Variants in RAPGEF2 observed in about 807,000 individuals in gnomAD.
The protein encoded by RAPGEF2 is Rap guanine nucleotide exchange factor 2.
Under a neutral mutation model 186.7 loss-of-function variants are expected in RAPGEF2, and 54 were observed. The observed-to-expected ratio is 0.29, with a 90% CI of 0.23 to 0.36. RAPGEF2 has a LOEUF of 0.36. RAPGEF2 is among the 10% of genes least tolerant of loss of function. The pLI is 1.00. For missense variants in RAPGEF2, 1,532 were observed against 2,045.0 expected, an observed-to-expected ratio of 0.75 and a Z score of 4.84; for synonymous variants, 712 against 705.9, an observed-to-expected ratio of 1.01 and a Z score of -0.14.
chr4:159,199,147 G>A (rs1749130274), intron 3 of RAPGEF2, among the ~76,000 whole-genome samples: 1 of 150,894 alleles, frequency 6.6e-6, no homozygotes, highest in South Asian at 2.1e-4. Flanking sequence ...GCATGGAATT[G>A]TAGGACACGG....
chr4:159,167,118 A>T (rs1363583508), intron 1 of RAPGEF2, among the ~76,000 whole-genome samples: 4 of 152,138 alleles, frequency 2.6e-5, no homozygotes, highest in Non-Finnish European at 4.4e-5. Flanking sequence ...TTACAGGATT[A>T]AAAAAAACCA....
chr4:159,300,414 T>C (rs539959080), intron 7 of RAPGEF2, among the ~76,000 whole-genome samples: 259 of 151,826 alleles, frequency 1.7e-3, no homozygotes, highest in African/African-American at 5.8e-3. Context: ...GAACAAAAAA[T>C]TGAGCAGTAA....
intron 3 of RAPGEF2, among the ~76,000 whole-genome samples, chr4:159,194,382 C>G (rs1748408407): frequency 6.6e-6 from 1 of 152,064 alleles, no homozygotes; most frequent in African/African-American, 2.4e-5. Flanking sequence ...GATTTTTTTC[C>G]CTCCTAAATA....
chr4:159,297,706 T>C (rs2111007409), intron 7 of RAPGEF2, among the ~76,000 whole-genome samples: 1 of 152,332 alleles, frequency 6.6e-6, no homozygotes, highest in South Asian at 2.1e-4. Context: ...AAACAAGTTG[T>C]TTCTTTGGTT....
In RAPGEF2 at chr4:159,345,326, A is replaced by G; in HGVS notation, c.3499A>G (p.Thr1167Ala). ...LSLQCEPATN[T>A]LPKNPGDKKP... The stretch of plus-strand genomic sequence containing the variant: ...TCTGCAGTGTGAGCCAGCAACCAAC[A>G]CATGTGAGTTTTTCCTTAAAGTGGC... Residue 1167 changes from threonine to alanine, a missense_variant, in exon 24 of 30, where the codon ACA (threonine) becomes GCA (alanine). Transcript: ENST00000691494. The G allele has an allele frequency of 6.2e-7, 1 of 1,613,886 alleles. No homozygotes were observed. Among genetic ancestry groups the G allele is most frequent in the Non-Finnish European group, 8.5e-7 (1 of 1,179,906 alleles).
intron 25 of RAPGEF2, among the ~76,000 whole-genome samples, chr4:159,348,291 G>A (rs1283373039): frequency 6.6e-6 from 1 of 151,956 alleles, no homozygotes; most frequent in East Asian, 1.9e-4. Context: ...TGGATAGATA[G>A]ATAAAGATAT....
At chr4:159,180,504 G>A (rs1395854836) in intron 1 of RAPGEF2, among the ~76,000 whole-genome samples, 2 of 152,148 alleles carry the variant, frequency 1.3e-5, no homozygotes, top group Non-Finnish European at 2.9e-5. Context: ...GCAGAATAAT[G>A]TAGTCTTTTC....
intron 1 of RAPGEF2, among the ~76,000 whole-genome samples, chr4:159,131,486 T>C (rs1741066570): frequency 6.6e-6 from 1 of 151,854 alleles, no homozygotes; most frequent in African/African-American, 2.4e-5. Context: ...GACTTAAATG[T>C]ATTATCTTGA....
At chr4:159,223,422 A>G (rs1242388918) in intron 4 of RAPGEF2, among the ~76,000 whole-genome samples, 1 of 152,222 alleles carries the variant, frequency 6.6e-6, no homozygotes, top group South Asian at 2.1e-4. Context: ...ATTGCTTAGA[A>G]TGTAAGTGTA....
At chr4:159,266,676 C>G (rs114210421) in intron 7 of RAPGEF2, among the ~76,000 whole-genome samples, 1,577 of 151,924 alleles carry the variant, frequency 0.01, 15 homozygotes, top group South Asian at 0.02. Context: ...TTGTGAAAAT[C>G]ACATCATCTA....
chr4:159,152,411 G>C (rs1286608144), intron 1 of RAPGEF2, among the ~76,000 whole-genome samples: 1 of 152,170 alleles, frequency 6.6e-6, no homozygotes, highest in African/African-American at 2.4e-5. Flanking sequence ...GAGGCAGAAT[G>C]CCCATTCCTG....
intron 7 of RAPGEF2, among the ~76,000 whole-genome samples, chr4:159,247,944 T>C (rs1478970400): frequency 6.6e-6 from 1 of 151,854 alleles, no homozygotes; most frequent in Non-Finnish European, 1.5e-5. Flanking sequence ...GTATTTTTAG[T>C]AGAGACAAGG....
chr4:159,329,825 T>G, intron 11 of RAPGEF2, 33 bp from the exon 12 acceptor site: 1 of 1,587,148 alleles, frequency 6.3e-7, no homozygotes, highest in East Asian at 2.2e-5. Context: ...GCAAGCACTT[T>G]ATCATTAACA....
At chr4:159,333,584 T>C (rs1210108913) in intron 17 of RAPGEF2, among the ~76,000 whole-genome samples, 1 of 152,220 alleles carries the variant, frequency 6.6e-6, no homozygotes, top group Non-Finnish European at 1.5e-5. Flanking sequence ...GAATTTCTTC[T>C]TGGTTATTTA....
chr4:159,305,035 T>TTA (rs1429189831), intron 8 of RAPGEF2, among the ~76,000 whole-genome samples: 1 of 152,230 alleles, frequency 6.6e-6, no homozygotes, highest in Non-Finnish European at 1.5e-5. Flanking sequence ...TATGGCTGAA[T>TTA]AGTATTTCAT....
intron 1 of RAPGEF2, among the ~76,000 whole-genome samples, chr4:159,152,395 G>A (rs1210086327): frequency 6.6e-6 from 1 of 152,144 alleles, no homozygotes; most frequent in Non-Finnish European, 1.5e-5. Flanking sequence ...CTTAAATCTG[G>A]ACTCAGAGGC....
chr4:159,249,507 C>G (rs1755049339), intron 7 of RAPGEF2, among the ~76,000 whole-genome samples: 1 of 151,588 alleles, frequency 6.6e-6, no homozygotes, highest in Non-Finnish European at 1.5e-5. Flanking sequence ...GACTTCTGGA[C>G]AAAACTCTAG....
chr4:159,177,372 T>G (rs557629266), intron 1 of RAPGEF2, among the ~76,000 whole-genome samples: 71 of 152,256 alleles, frequency 4.7e-4, no homozygotes, highest in Middle Eastern at 3.4e-3. Flanking sequence ...CTCAATCACC[T>G]TTTTTTCCAG....
intron 7 of RAPGEF2, chr4:159,267,329 T>C: frequency 3.1e-6 from 4 of 1,288,864 alleles, no homozygotes; most frequent in Non-Finnish European, 4.0e-6. Context: ...ATAATGTAAT[T>C]ATATTGGTGT....
Sources: gnomAD v4.1 joint callset for allele counts (sites outside exome capture counted in the v4.1 genomes callset) on GRCh38, gnomAD v4.1.1 for gene constraint, MANE v1.5 for transcripts, NCBI Gene and HGNC (gene_info 2026-07-23, HGNC 2026-07-21) for gene names.